HIGD1B: variants seen among roughly 807,000 people sequenced by gnomAD.
HIGD1B encodes HIG1 hypoxia inducible domain family member 1B.
HIGD1B carries 9 observed loss-of-function variants against 8.8 expected under a neutral mutation model. The observed-to-expected ratio is 1.02, with a 90% CI of 0.62 to 1.78. The LOEUF (loss-of-function observed/expected upper bound fraction) is 1.78. Among genes scored for constraint, HIGD1B ranks in the 40% most tolerant of loss-of-function variants. The pLI is 0.00. For synonymous variants in HIGD1B, 47 were observed against 38.8 expected (o/e 1.21, Z -0.78); for missense variants, 126 against 111.8 (o/e 1.13, Z -0.57).
upstream of HIGD1B, among the ~76,000 whole-genome samples, chr17:44,844,911 C>T (rs1209142706): frequency 3.9e-5 from 6 of 152,194 alleles, no homozygotes; most frequent in African/African-American, 1.4e-4. Context: ...AGCTCCATTC[C>T]TTTGTGAACA....
rs150260178 is a variant in HIGD1B, at chr17:44,849,308, G to A, written c.155G>A (p.Arg52His). 46 of 1,614,120 alleles carry A rather than the reference G, an allele frequency of 2.8e-5. No individual in the cohort carries two copies. The Admixed American group carries it at 3.0e-4, about 11-fold the overall frequency. Residue 52 changes from arginine to histidine, a missense_variant, in exon 2 of 3, where the codon CGT (arginine) becomes CAT (histidine). Coordinates refer to ENST00000253410, the MANE Select transcript of HIGD1B (RefSeq NM_016438.4). Reference sequence around the variant, plus strand: ...TACAGGATTTACCGGCTGAGGTCTCGTGGTTCCACCAAGATGTCCATACAC... The same window carrying A: ...TACAGGATTTACCGGCTGAGGTCTCATGGTTCCACCAAGATGTCCATACAC... Reference protein sequence around the residue: ...AAYRIYRLRSRGSTKMSIHLI... With the variant: ...AAYRIYRLRSHGSTKMSIHLI...
In HIGD1B at chr17:44,847,896, T is replaced by A; in HGVS notation, c.-257T>A. 1 of 376,292 alleles carries A rather than the reference T, an allele frequency of 2.7e-6. No individual in the cohort carries two copies. Among genetic ancestry groups the A allele is most frequent in the Non-Finnish European group, 4.9e-6 (1 of 205,014 alleles). The allele number at this position is 376,292 out of a possible 1,614,324, so 23.3% of individuals were successfully genotyped here. ...AGCTGAGAAAGCAGTGAAGACAGAATGAGCTGGGGAAGAGGCAGATGGTAG... is the reference window on the plus strand; with the variant it reads ...AGCTGAGAAAGCAGTGAAGACAGAAAGAGCTGGGGAAGAGGCAGATGGTAG... On this transcript the variant is annotated 5_prime_UTR_variant, in exon 1 of 3. An upstream start codon of the reference 5' UTR is lost. Coordinates refer to ENST00000253410, the MANE Select transcript of HIGD1B (RefSeq NM_016438.4).
upstream of HIGD1B, among the ~76,000 whole-genome samples, chr17:44,847,376 T>C (rs2050334195): frequency 6.6e-6 from 1 of 152,068 alleles, no homozygotes; most frequent in African/African-American, 2.4e-5. Context: ...GAGCTTGCAG[T>C]GAGCCGAGAT....
chr17:44,846,783 T>TG (rs2050326682), upstream of HIGD1B, among the ~76,000 whole-genome samples: 1 of 121,360 alleles, frequency 8.2e-6, no homozygotes, highest in South Asian at 2.6e-4. Context: ...AGACCCTGCC[T>TG]AAAAAAAAAA....
At chr17:44,850,111 C>A (rs1300680295) in intron 2 of HIGD1B, 2 of 484,566 alleles carry the variant, frequency 4.1e-6, no homozygotes, top group Non-Finnish European at 7.5e-6. Context: ...TTCTCAGATA[C>A]ACAATACATG....
upstream of HIGD1B, among the ~76,000 whole-genome samples, chr17:44,846,201 G>C (rs1250176064): frequency 6.6e-6 from 1 of 152,078 alleles, no homozygotes; most frequent in Non-Finnish European, 1.5e-5. Flanking sequence ...TTACTTTCCA[G>C]TGCCTGGAGC....
chr17:44,846,971 TAA>T (rs1009285847), upstream of HIGD1B, among the ~76,000 whole-genome samples: 1 of 148,972 alleles, frequency 6.7e-6, no homozygotes, highest in African/African-American at 2.5e-5. Context: ...CCGTCTCTAC[TAA>T]AAAAATACAA....
Position 44,849,295 on chromosome 17 carries a change from C to G in HIGD1B, c.142C>G (p.Arg48Gly). The G allele has an allele frequency of 6.2e-7, 1 of 1,614,022 alleles. No homozygotes were observed. Among genetic ancestry groups the G allele is most frequent in the Non-Finnish European group, 8.5e-7 (1 of 1,179,998 alleles). ...GGTGGTAGCAGCATACAGGATTTAC[C>G]GGCTGAGGTCTCGTGGTTCCACCAA... ...CLVVAAYRIY[R>G]LRSRGSTKMS... is the part of the protein sequence containing the mutation. Residue 48 changes from arginine (R) to glycine (G), a missense_variant, in exon 2 of 3, where the codon CGG (arginine) becomes GGG (glycine). Arg to Gly is a moderately radical substitution (Grantham distance 125). Transcript: ENST00000253410.
upstream of HIGD1B, among the ~76,000 whole-genome samples, chr17:44,846,937 C>T (rs2050328730): frequency 1.3e-5 from 2 of 151,958 alleles, no homozygotes; most frequent in South Asian, 2.1e-4. Flanking sequence ...AGTTCAAGAC[C>T]AGCCTGGCTA....
upstream of HIGD1B, among the ~76,000 whole-genome samples, chr17:44,846,030 C>T (rs7213960): frequency 0.35 from 53,460 of 152,010 alleles, 9,688 homozygotes; most frequent in Middle Eastern, 0.51. Context: ...TAAGAGTATC[C>T]GAGGGAGTGT....
chr17:44,848,737 C>G (rs541253836), intron 1 of HIGD1B, among the ~76,000 whole-genome samples: 9 of 151,362 alleles, frequency 5.9e-5, no homozygotes, highest in African/African-American at 2.2e-4. Context: ...GGGAGGGAGG[C>G]AGCCACTTTG....
Position 44,850,401 on chromosome 17 carries a change from C to T in HIGD1B, c.*5C>T. On this transcript the variant is annotated 3_prime_UTR_variant, in exon 3 of 3. Coordinates refer to ENST00000253410, the MANE Select transcript of HIGD1B (RefSeq NM_016438.4). Reference sequence around the variant, plus strand: ...CAGGATGCTGGAGAGAAGTAGGACTCCTATAGGAGCCGGGGCTGTCCAACT... The same window carrying T: ...CAGGATGCTGGAGAGAAGTAGGACTTCTATAGGAGCCGGGGCTGTCCAACT... 1 of 1,608,922 alleles carries T rather than the reference C, an allele frequency of 6.2e-7. No individual in the cohort carries two copies. The highest frequency in any genetic ancestry group is 8.5e-7 in the Non-Finnish European group (1 of 1,176,344).
upstream of HIGD1B, among the ~76,000 whole-genome samples, chr17:44,846,577 G>A (rs761335520): frequency 4.0e-5 from 6 of 151,880 alleles, no homozygotes; most frequent in Admixed American, 6.6e-5. Flanking sequence ...TGGGCAGATC[G>A]CCTGAGACCA....
rs772144255 is a variant in HIGD1B at position 44,847,957 on chromosome 17, C to A, written c.-196C>A. 6 of 490,406 alleles carry A rather than the reference C, an allele frequency of 1.2e-5. No individual in the cohort carries two copies. Among genetic ancestry groups the A allele is most frequent in the Non-Finnish European group, 1.8e-5 (5 of 275,274 alleles). 30.4% of individuals were successfully genotyped at this position (490,406 alleles called of 1,614,324 possible). A position where few individuals can be genotyped will look rare whatever the true frequency, so the allele number is the denominator to read the frequency against. On this transcript the variant is annotated 5_prime_UTR_variant, in exon 1 of 3. Coordinates refer to ENST00000253410, the MANE Select transcript of HIGD1B (RefSeq NM_016438.4). ...CGGAGAAATGGCACTAATGGCCCAG[C>A]CACCTGAGATGGGATACCTGGGAGG...
intron 1 of HIGD1B, 146 bp from the exon 2 acceptor site, chr17:44,849,108 C>G: frequency 2.4e-6 from 2 of 826,246 alleles, no homozygotes; most frequent in Non-Finnish European, 3.7e-6. Flanking sequence ...CCCCCTAGGT[C>G]CCCCGCAACG....
intron 1 of HIGD1B, 145 bp downstream of exon 1, chr17:44,848,397 G>T (rs2050351100): frequency 8.2e-6 from 5 of 612,670 alleles, no homozygotes; most frequent in Non-Finnish European, 1.2e-5. Context: ...AGGTGCCAAG[G>T]GGCAAACCCT....
At chr17:44,849,096 AT>A (rs967043028) in intron 1 of HIGD1B, 157 bp from the exon 2 acceptor site, 1 of 725,120 alleles carries the variant, frequency 1.4e-6, no homozygotes, top group African/African-American at 1.8e-5. Context: ...TATTCTAATG[AT>A]CCCCCTAGGT....
At chr17:44,850,127 G>A (rs943921577) in intron 2 of HIGD1B, 2 of 532,504 alleles carry the variant, frequency 3.8e-6, no homozygotes, top group African/African-American at 3.8e-5. Context: ...ACATGTGAAA[G>A]TGTTTCGTGA....
chr17:44,850,265 G>A (rs2050418155), intron 2 of HIGD1B, 67 bp from the exon 3 acceptor site: 5 of 1,315,280 alleles, frequency 3.8e-6, no homozygotes, highest in African/African-American at 1.4e-5. Context: ...CCCCTAGGAC[G>A]CCTGAGAGCC....
Sources: gnomAD v4.1 joint callset for allele counts (sites outside exome capture counted in the v4.1 genomes callset) on GRCh38, gnomAD v4.1.1 for gene constraint, MANE v1.5 for transcripts, NCBI Gene and HGNC (gene_info 2026-07-23, HGNC 2026-07-21) for gene names.